ATP10D: variants seen among roughly 807,000 people sequenced by gnomAD.
ATP10D encodes phospholipid-transporting ATPase VD.
A neutral mutation model predicts 144.8 loss-of-function variants in ATP10D; 89 were observed. That is an observed-to-expected ratio of 0.61 (90% CI 0.52 to 0.73). The LOEUF is 0.73. Ranked by LOEUF, ATP10D falls within the 30% of genes least tolerant of loss-of-function variation. The pLI is 0.00. For synonymous variants in ATP10D, 571 were observed against 615.1 expected (o/e 0.93, Z 1.06); for missense variants, 1,603 against 1,714.8 (o/e 0.93, Z 1.15).
intron 9 of ATP10D, among the ~76,000 whole-genome samples, chr4:47,538,638 T>C (rs572580156): frequency 8.4e-4 from 128 of 152,182 alleles, no homozygotes; most frequent in Admixed American, 1.4e-3. Context: ...AGGTGTCTGC[T>C]GAGACTGTGA....
In ATP10D at chr4:47,546,714, C is replaced by G. The variant is rs201342683; in HGVS notation, c.1487C>G (p.Pro496Arg). 6.2e-7 allele frequency: 1 copy of G among 1,614,054 alleles called. No homozygotes were observed. The highest frequency in any genetic ancestry group is 1.1e-5 in the South Asian group (1 of 91,080). ...GGTTCCCTCAGCAATATGGCAAAAC[C>G]GAGAGCCCCCAGCTGCAGGACAGTT... is the stretch of plus-strand genomic sequence containing the variant. Reference protein sequence around the residue: ...VSGSLSNMAKPRAPSCRTVHN... With the variant: ...VSGSLSNMAKRRAPSCRTVHN... The change falls in exon 10 of 23, where the codon CCG becomes CGG. Residue 496 changes from proline to arginine, a missense_variant. Transcript: ENST00000273859.
At chr4:47,507,055 A>T (rs1716053996) in intron 1 of ATP10D, among the ~76,000 whole-genome samples, 1 of 152,202 alleles carries the variant, frequency 6.6e-6, no homozygotes, top group Non-Finnish European at 1.5e-5. Flanking sequence ...CAGACTTACT[A>T]AAGCAGAGTG....
chr4:47,537,866 T>C (rs898721931), intron 9 of ATP10D, among the ~76,000 whole-genome samples: 1 of 152,198 alleles, frequency 6.6e-6, no homozygotes, highest in Non-Finnish European at 1.5e-5. Flanking sequence ...GCTCCCAATA[T>C]GTGGCATGAG....
At position 47,591,101 on chromosome 4, in the gene ATP10D, A is replaced by G. The variant is rs1721018670; in HGVS notation, c.4001A>G (p.His1334Arg). The change falls in exon 23 of 23, where the codon CAC becomes CGC. Residue 1334 changes from histidine to arginine, a missense_variant. Coordinates refer to ENST00000273859, the MANE Select transcript of ATP10D (RefSeq NM_020453.4). The stretch of plus-strand genomic sequence containing the variant: ...CCATCTCCAATTCTGAGAGCTAAGC[A>G]CTTTGACAGACTAACTCCAGAGGAG... ...LFPSPILRAK[H>R]FDRLTPEERT... 5 of 1,613,078 alleles carry G rather than the reference A, an allele frequency of 3.1e-6. No homozygotes were observed. The South Asian group carries it at 3.3e-5, about 11-fold the overall frequency.
intron 1 of ATP10D, among the ~76,000 whole-genome samples, chr4:47,486,320 T>C (rs1714756086): frequency 6.6e-6 from 1 of 152,260 alleles, no homozygotes; most frequent in Admixed American, 6.5e-5. Context: ...GCTCAGGTTT[T>C]TAAAATGTGA....
At chr4:47,509,237 T>G (rs58560710) in intron 1 of ATP10D, among the ~76,000 whole-genome samples, 2,202 of 7,776 alleles carry the variant, frequency 0.28, 56 homozygotes, top group African/African-American at 0.34. Context: ...AAATATTATT[T>G]CTTTTTATTC....
intron 3 of ATP10D, among the ~76,000 whole-genome samples, chr4:47,518,122 G>T (rs1716776528): frequency 6.6e-6 from 1 of 152,232 alleles, no homozygotes; most frequent in South Asian, 2.1e-4. Flanking sequence ...GAAATACAAA[G>T]AAATCAACTT....
chr4:47,590,167 A>C (rs1720965990), intron 22 of ATP10D, among the ~76,000 whole-genome samples: 1 of 152,156 alleles, frequency 6.6e-6, no homozygotes, highest in Non-Finnish European at 1.5e-5. Context: ...TATGGAAAGC[A>C]GAATTTGTAA....
chr4:47,511,726 C>T (rs959186437), intron 1 of ATP10D, among the ~76,000 whole-genome samples: 7 of 152,164 alleles, frequency 4.6e-5, no homozygotes, highest in African/African-American at 1.7e-4. Context: ...TCAGCTGAGA[C>T]ATCTTTATTC....
chr4:47,507,513 A>G (rs1716081021), intron 1 of ATP10D, among the ~76,000 whole-genome samples: 1 of 152,244 alleles, frequency 6.6e-6, no homozygotes, highest in Non-Finnish European at 1.5e-5. Flanking sequence ...ATCACAAGCT[A>G]AAAGTGAATG....
rs1450706558 is a variant in ATP10D, at chr4:47,591,898, G to A, written c.*517G>A. On this transcript the variant is annotated 3_prime_UTR_variant, in exon 23 of 23. Coordinates refer to ENST00000273859, the MANE Select transcript of ATP10D (RefSeq NM_020453.4). ...TAAACAACAAGGTACCTAAAATAGGGTATAATTATACTGCTTAAAATACAG... is the reference window on the plus strand; with the variant it reads ...TAAACAACAAGGTACCTAAAATAGGATATAATTATACTGCTTAAAATACAG... The A allele has an allele frequency of 1.3e-5, 2 of 152,208 alleles. No individual in the cohort carries two copies. The highest frequency in any genetic ancestry group is 2.9e-5 in the Non-Finnish European group (2 of 68,140). The allele number at this position is 152,208 out of a possible 1,614,324, so 9.4% of individuals were successfully genotyped here. A position where few individuals can be genotyped will look rare whatever the true frequency, so the allele number is the denominator to read the frequency against.
At chr4:47,577,539 T>C (rs1720297245) in intron 19 of ATP10D, among the ~76,000 whole-genome samples, 1 of 140,966 alleles carries the variant, frequency 7.1e-6, no homozygotes, top group African/African-American at 2.6e-5. Context: ...AGGAAGATAA[T>C]ACGGTACAAC....
At position 47,576,101 on chromosome 4, in the gene ATP10D, T is replaced by C. The variant is rs1042369071; in HGVS notation, c.3367-672T>C. Among the ~76,000 whole-genome samples, 159 of 151,312 alleles carry C rather than the reference T, an allele frequency of 1.1e-3. 1 individual carries two copies. The highest frequency in any genetic ancestry group is 2.0e-3 in the Non-Finnish European group (134 of 67,854). On this transcript the variant is annotated intron_variant, in intron 18 of 22. Transcript: ENST00000273859. Reference sequence around the variant, plus strand: ...CGCCCGCCACTACGCCCGGCTAATTTTTTGTATTTTTAGTAGTGACGGGGT... The same window carrying C: ...CGCCCGCCACTACGCCCGGCTAATTCTTTGTATTTTTAGTAGTGACGGGGT...
chr4:47,531,500 G>A (rs1002314818), intron 5 of ATP10D, among the ~76,000 whole-genome samples: 1 of 152,204 alleles, frequency 6.6e-6, no homozygotes, highest in East Asian at 1.9e-4. Context: ...GGCAGATCAT[G>A]AAGAGGCCAG....
chr4:47,558,218 G>A lies in ATP10D; in HGVS notation c.2379G>A (p.Val793=). 3 of 1,614,234 alleles carry A rather than the reference G, an allele frequency of 1.9e-6. No homozygotes were observed. Among genetic ancestry groups the A allele is most frequent in the South Asian group, 1.1e-5 (1 of 91,086 alleles). The part of the protein sequence containing the change: ...VRHPLSNQVV[V]YTKGADSVIM... ...ACCCTCTTTCCAATCAAGTTGTGGT[G>A]TATACGAAAGGCGCTGATTCTGTGA... The change falls in exon 12 of 23, where the codon GTG becomes GTA. Residue 793 remains valine (V), a synonymous_variant. Coordinates refer to ENST00000273859, the MANE Select transcript of ATP10D (RefSeq NM_020453.4).
At chr4:47,583,781 T>A (rs1475154972) in intron 21 of ATP10D, among the ~76,000 whole-genome samples, 1 of 148,568 alleles carries the variant, frequency 6.7e-6, no homozygotes, top group African/African-American at 2.5e-5. Flanking sequence ...TATTAAAAAA[T>A]ATAATGAAGA....
chr4:47,494,369 G>T (rs906964572), intron 1 of ATP10D, among the ~76,000 whole-genome samples: 2 of 151,966 alleles, frequency 1.3e-5, no homozygotes, highest in Non-Finnish European at 2.9e-5. Context: ...GGTAAGGAAC[G>T]ATACGCCTAC....
intron 15 of ATP10D, among the ~76,000 whole-genome samples, chr4:47,566,809 G>T (rs772767925): frequency 3.0e-4 from 46 of 152,094 alleles, no homozygotes; most frequent in Non-Finnish European, 1.0e-4. Flanking sequence ...CTTCTGAAAT[G>T]TACCTTATTT....
rs755322897 is a variant in ATP10D at position 47,536,522 on chromosome 4, G to A, written c.1101G>A (p.Leu367=). 8 of 1,613,426 alleles carry A rather than the reference G, an allele frequency of 5.0e-6. No individual in the cohort carries two copies. Among genetic ancestry groups the A allele is most frequent in the Admixed American group, 1.7e-5 (1 of 59,964 alleles). Residue 367 remains leucine (L), a synonymous_variant, in exon 8 of 23, where the codon TTG becomes TTA. Coordinates refer to ENST00000273859, the MANE Select transcript of ATP10D (RefSeq NM_020453.4). ...ATGGACATATCATATCACCACTGTT[G>A]GCAGGATTTTATATGTTTTGGACCA... ...EPDGHIISPL[L]AGFYMFWTMI... is the part of the protein sequence containing the mutation.
Sources: allele counts gnomAD v4.1 joint callset (sites outside exome capture counted in the v4.1 genomes callset), GRCh38; gene constraint gnomAD v4.1.1; transcripts MANE v1.5; gene names NCBI Gene and HGNC (gene_info 2026-07-23, HGNC 2026-07-21).